The following ANTXR1 variants were observed in gnomAD, a reference collection of about 807,000 sequenced individuals.
ANTXR1 encodes the protein ANTXR cell adhesion molecule 1, also known as anthrax toxin receptor 1.
A neutral mutation model predicts 78.1 loss-of-function variants in ANTXR1; 19 were observed. The observed-to-expected ratio is 0.24, with a 90% CI of 0.17 to 0.36. The LOEUF is 0.36. Ranked by LOEUF, ANTXR1 falls within the 10% of genes least tolerant of loss-of-function variation. ANTXR1 has a pLI of 1.00. For missense variants in ANTXR1, 518 were observed against 718.6 expected (o/e 0.72, Z 3.19); for synonymous variants, 273 against 260.5 (o/e 1.05, Z -0.46).
At chr2:69,063,619 GATAA>G (rs1670310690) in intron 3 of ANTXR1, among the ~76,000 whole-genome samples, 1 of 151,810 alleles carries the variant, frequency 6.6e-6, no homozygotes, top group African/African-American at 2.4e-5. Flanking sequence ...TACCAGAAAT[GATAA>G]ATATTTAGGT....
intron 10 of ANTXR1, among the ~76,000 whole-genome samples, chr2:69,114,001 T>G (rs552050079): frequency 4.1e-4 from 62 of 152,322 alleles, no homozygotes; most frequent in African/African-American, 1.5e-3. Context: ...AGAAAATACT[T>G]TGCAAGAACG....
chr2:69,233,590 AG>A (rs1156446462), intron 17 of ANTXR1, among the ~76,000 whole-genome samples: 1 of 152,016 alleles, frequency 6.6e-6, no homozygotes, highest in Non-Finnish European at 1.5e-5. Flanking sequence ...ATCTATCAAT[AG>A]GGTTATCTTA....
chr2:69,061,061 A>T (rs1033058082), intron 3 of ANTXR1, among the ~76,000 whole-genome samples: 1 of 152,190 alleles, frequency 6.6e-6, no homozygotes, highest in Non-Finnish European at 1.5e-5. Flanking sequence ...GGAAGGAAAT[A>T]CTGAAGATGA....
At chr2:69,156,863 CCCT>C (rs1673540693) in intron 13 of ANTXR1, among the ~76,000 whole-genome samples, 1 of 152,202 alleles carries the variant, frequency 6.6e-6, no homozygotes, top group South Asian at 2.1e-4. Flanking sequence ...CCCACTAGGC[CCCT>C]CCTCCAACAT....
intron 3 of ANTXR1, among the ~76,000 whole-genome samples, chr2:69,069,781 C>T (rs11895202): frequency 0.92 from 140,607 of 152,200 alleles, 65,072 homozygotes; most frequent in East Asian, 0.98. Flanking sequence ...TTTTTCCTAT[C>T]CAAAAGAGTT....
chr2:69,237,852 TTATA>T (rs974261895), intron 17 of ANTXR1, among the ~76,000 whole-genome samples: 5 of 152,298 alleles, frequency 3.3e-5, no homozygotes, highest in African/African-American at 9.6e-5. Context: ...ACATTTTTAT[TTATA>T]TATATGTGTG....
At chr2:69,179,118 A>T (rs188128445) in intron 14 of ANTXR1, among the ~76,000 whole-genome samples, 420 of 152,366 alleles carry the variant, frequency 2.8e-3, no homozygotes, top group Non-Finnish European at 4.3e-3. Context: ...GTTTAACCAC[A>T]TATAGGACAT....
chr2:69,152,400 A>C lies in ANTXR1; in HGVS notation c.1047+136A>C, dbSNP rs13428335. 2,473 of 886,778 alleles carry C rather than the reference A, an allele frequency of 2.8e-3. 46 individuals carry two copies. The African/African-American group carries it at 0.037, about 13-fold the overall frequency. The allele number at this position is 886,778 out of a possible 1,614,324, so 54.9% of individuals were successfully genotyped here. On this transcript the variant is annotated intron_variant, in intron 13 of 17. Transcript: ENST00000303714. ...GCATTTTTTATACAATTTATACAAAATTGATGTGAACTGACATTGATCAAT... is the reference window on the plus strand; with the variant it reads ...GCATTTTTTATACAATTTATACAAACTTGATGTGAACTGACATTGATCAAT...
intron 13 of ANTXR1, among the ~76,000 whole-genome samples, chr2:69,169,734 G>A (rs1441404394): frequency 1.3e-5 from 2 of 152,344 alleles, no homozygotes; most frequent in East Asian, 3.9e-4. Flanking sequence ...GGTCTGCCTG[G>A]GCAGCACATC....
At chr2:69,105,456 C>T (rs965552246) in intron 10 of ANTXR1, among the ~76,000 whole-genome samples, 1 of 152,212 alleles carries the variant, frequency 6.6e-6, no homozygotes, top group Non-Finnish European at 1.5e-5. Flanking sequence ...GGAAAAATAG[C>T]GTTTGAGGAA....
chr2:69,244,476 T>G (rs1340037952), intron 17 of ANTXR1, among the ~76,000 whole-genome samples: 3 of 152,168 alleles, frequency 2.0e-5, no homozygotes, highest in Non-Finnish European at 4.4e-5. Context: ...TTACTAGCAC[T>G]TTGGAGAAGG....
At chr2:69,211,007 A>T (rs1675029250) in intron 17 of ANTXR1, among the ~76,000 whole-genome samples, 1 of 151,730 alleles carries the variant, frequency 6.6e-6, no homozygotes, top group South Asian at 2.1e-4. Context: ...TGGCAGTAAG[A>T]TAAAGAAGAG....
intron 17 of ANTXR1, among the ~76,000 whole-genome samples, chr2:69,201,289 G>T (rs1236861823): frequency 6.6e-6 from 1 of 152,176 alleles, no homozygotes; most frequent in East Asian, 1.9e-4. Context: ...TGGGGAGGTA[G>T]AATATTCTAG....
intron 14 of ANTXR1, among the ~76,000 whole-genome samples, chr2:69,173,859 T>C (rs1232462913): frequency 1.3e-5 from 2 of 152,188 alleles, no homozygotes; most frequent in African/African-American, 2.4e-5. Flanking sequence ...AGAAGATGCT[T>C]CCTTTCCCAT....
chr2:69,216,181 T>C (rs1412633056), intron 17 of ANTXR1, among the ~76,000 whole-genome samples: 1 of 152,214 alleles, frequency 6.6e-6, no homozygotes, highest in Admixed American at 6.5e-5. Context: ...AACCAATTAA[T>C]TTTTAGAGCT....
chr2:69,018,114 AC>A (rs1671077186), intron 1 of ANTXR1, among the ~76,000 whole-genome samples: 1 of 152,022 alleles, frequency 6.6e-6, no homozygotes, highest in Non-Finnish European at 1.5e-5. Context: ...GCAGGAGTAA[AC>A]GCTGAGCAGC....
Position 69,013,393 on chromosome 2 carries a change from A to C in ANTXR1, c.-107A>C. On this transcript the variant is annotated 5_prime_UTR_variant, in exon 1 of 18. Transcript: ENST00000303714. The surrounding 1 kb of genome is among the most constrained non-coding windows in gnomAD (Gnocchi z 5.0). Reference sequence around the variant, plus strand: ...GGGAGTTGCGAGGGAGCGAGGGGGAATAAAGGACCCGCGAGGAAGGGCCCG... The same window carrying C: ...GGGAGTTGCGAGGGAGCGAGGGGGACTAAAGGACCCGCGAGGAAGGGCCCG... The C allele has an allele frequency of 6.7e-7, 1 of 1,484,162 alleles. No homozygotes were observed. The highest frequency in any genetic ancestry group is 1.4e-5 in the African/African-American group (1 of 72,490). 91.9% of individuals were successfully genotyped at this position (1,484,162 alleles called of 1,614,324 possible).
At chr2:69,110,596 C>T (rs568372614) in intron 10 of ANTXR1, among the ~76,000 whole-genome samples, 23 of 152,160 alleles carry the variant, frequency 1.5e-4, no homozygotes, top group African/African-American at 4.8e-4. Flanking sequence ...CGGTGGCTCA[C>T]GCCTGTAATC....
At chr2:69,141,143 G>C (rs1317697644) in intron 12 of ANTXR1, among the ~76,000 whole-genome samples, 1 of 152,186 alleles carries the variant, frequency 6.6e-6, no homozygotes, top group African/African-American at 2.4e-5. Flanking sequence ...CATAGCTCTA[G>C]TCAGAGTTTG....
Sources: allele counts gnomAD v4.1 joint callset (sites outside exome capture counted in the v4.1 genomes callset), GRCh38; gene constraint gnomAD v4.1.1; non-coding constraint Gnocchi (gnomAD v3.1); transcripts MANE v1.5; gene names NCBI Gene and HGNC (gene_info 2026-07-23, HGNC 2026-07-21).